Variants in DOCK2 observed in about 807,000 individuals in gnomAD.
DOCK2 encodes dedicator of cytokinesis 2.
A neutral mutation model predicts 248.9 loss-of-function variants in DOCK2; 87 were observed. The observed-to-expected ratio is 0.35, with a 90% CI of 0.29 to 0.42. The LOEUF is 0.42. Among genes scored for constraint, DOCK2 ranks in the 10% least tolerant of loss-of-function variants. The pLI, the probability that DOCK2 is intolerant of heterozygous loss-of-function variation, is 1.00. For missense variants in DOCK2, 1,747 were observed against 2,300.2 expected (o/e 0.76, Z 4.92); for synonymous variants, 805 against 821.6 (o/e 0.98, Z 0.35).
rs540144075 is a variant in DOCK2 at position 169,686,215 on chromosome 5, C to T, written c.761+1865C>T. ...CAGTTTCAGGAGCCTTAGAAGCAAC[C>T]GAGAGGAAACAGTATGGGGCCTATG... On this transcript the variant is annotated intron_variant, in intron 8 of 51. Transcript: ENST00000520908. Among the ~76,000 whole-genome samples the T allele has an allele frequency of 5.8e-4, 88 of 152,230 alleles. 1 individual carries two copies. The highest frequency in any genetic ancestry group is 1.5e-3 in the South Asian group (7 of 4,822).
At position 170,057,486 on chromosome 5, in the gene DOCK2, C is replaced by A. The variant is rs142952656; in HGVS notation, c.4381-94C>A. ...TTCGGGTAGATGGGAGGCCCGGGGA[C>A]CTGGCTGGGTTTCTGCCAAGCTTCT... On this transcript the variant is annotated intron_variant, in intron 43 of 51. Coordinates refer to ENST00000520908, the MANE Select transcript of DOCK2 (RefSeq NM_004946.3). The A allele has an allele frequency of 6.5e-4, 715 of 1,094,606 alleles. No individual in the cohort carries two copies. In the African/African-American group the frequency reaches 6.6e-3, roughly 10 times the overall value. 67.8% of individuals were successfully genotyped at this position (1,094,606 alleles called of 1,614,324 possible).
intron 27 of DOCK2, among the ~76,000 whole-genome samples, chr5:169,974,932 C>A (rs1236111684): frequency 6.6e-6 from 1 of 151,936 alleles, no homozygotes; most frequent in Non-Finnish European, 1.5e-5. Flanking sequence ...GAATGATAAC[C>A]CCTCTCCTGG....
chr5:169,995,673 T>C (rs1205584399), intron 29 of DOCK2, among the ~76,000 whole-genome samples: 1 of 152,244 alleles, frequency 6.6e-6, no homozygotes, highest in Non-Finnish European at 1.5e-5. Flanking sequence ...TGTATATACA[T>C]GTAGGGAGAC....
chr5:170,041,208 G>C (rs1248371424), intron 37 of DOCK2, 63 bp downstream of exon 37: 10 of 1,429,574 alleles, frequency 7.0e-6, no homozygotes, highest in Non-Finnish European at 9.8e-6. Flanking sequence ...ACAGCAAGTT[G>C]AAGAGTGAAA....
At chr5:169,768,495 T>C (rs555396723) in intron 25 of DOCK2, among the ~76,000 whole-genome samples, 46 of 152,328 alleles carry the variant, frequency 3.0e-4, no homozygotes, top group African/African-American at 1.1e-3. Context: ...TTTGTTTATT[T>C]CCATTCCCTG....
intron 22 of DOCK2, among the ~76,000 whole-genome samples, chr5:169,743,441 T>C (rs262834): frequency 0.019 from 2,842 of 152,260 alleles, 97 homozygotes; most frequent in African/African-American, 0.065. Flanking sequence ...GATCAGAGAG[T>C]TTGCCCAAAT....
chr5:169,878,482 G>A (rs1365851498), intron 27 of DOCK2, among the ~76,000 whole-genome samples: 2 of 152,194 alleles, frequency 1.3e-5, no homozygotes, highest in Non-Finnish European at 2.9e-5. Context: ...AAGTAAAAAT[G>A]ATTGTATTCT....
intron 13 of DOCK2, 39 bp downstream of exon 13, chr5:169,700,178 G>A (rs1760881827): frequency 6.2e-7 from 1 of 1,601,418 alleles, no homozygotes; most frequent in Non-Finnish European, 8.5e-7. Flanking sequence ...TGGGGACATA[G>A]GGGCCAATTC....
intron 39 of DOCK2, 42 bp downstream of exon 39, chr5:170,045,947 G>T: frequency 6.3e-7 from 1 of 1,593,448 alleles, no homozygotes; most frequent in Non-Finnish European, 8.6e-7. Flanking sequence ...TGCAGGCTGG[G>T]TGCTCAGGGC....
chr5:169,948,313 A>G (rs959534070), intron 27 of DOCK2, among the ~76,000 whole-genome samples: 14 of 152,200 alleles, frequency 9.2e-5, no homozygotes, highest in Non-Finnish European at 4.4e-5. Context: ...AGGTAAACAA[A>G]TACACATAAG....
At chr5:170,022,262 A>G (rs1196408723) in intron 33 of DOCK2, among the ~76,000 whole-genome samples, 1 of 152,034 alleles carries the variant, frequency 6.6e-6, no homozygotes, top group East Asian at 1.9e-4. Context: ...AGAGACAAAG[A>G]TTTTCTCAAG....
At position 169,945,128 on chromosome 5, in the gene DOCK2, G is replaced by A. The variant is rs376687288; in HGVS notation, c.2800-37940G>A. On this transcript the variant is annotated intron_variant, in intron 27 of 51. Transcript: ENST00000520908. Reference sequence around the variant, plus strand: ...CTGTGGTTTCATTTTCTTTCTCTTGGCCCCAGAAGAATCCTCTGACATGGT... The same window carrying A: ...CTGTGGTTTCATTTTCTTTCTCTTGACCCCAGAAGAATCCTCTGACATGGT... Among the ~76,000 whole-genome samples the A allele has an allele frequency of 1.8e-3, 280 of 152,234 alleles. 6 individuals carry two copies. In the South Asian group the frequency reaches 0.048, roughly 26 times the overall value.
intron 25 of DOCK2, among the ~76,000 whole-genome samples, chr5:169,776,258 G>C (rs1269148052): frequency 1.3e-5 from 2 of 151,220 alleles, no homozygotes; most frequent in African/African-American, 2.4e-5. Flanking sequence ...GACCTCCTGG[G>C]CTCAAGCAAT....
chr5:169,857,733 TAA>T (rs745578660), intron 27 of DOCK2, among the ~76,000 whole-genome samples: 16 of 108,296 alleles, frequency 1.5e-4, no homozygotes, highest in Admixed American at 3.7e-4. Context: ...GGAACAAAAC[TAA>T]AAAAAAAAAA....
intron 2 of DOCK2, among the ~76,000 whole-genome samples, chr5:169,668,032 A>G (rs1307750133): frequency 1.3e-5 from 2 of 152,220 alleles, no homozygotes; most frequent in East Asian, 1.9e-4. Context: ...TAATATAGGA[A>G]GCATAGGTGA....
chr5:170,013,192 A>C (rs1755372392), intron 32 of DOCK2, among the ~76,000 whole-genome samples: 1 of 152,066 alleles, frequency 6.6e-6, no homozygotes, highest in Admixed American at 6.5e-5. Flanking sequence ...CCCAGCAAGC[A>C]TGGCTTCCTA....
intron 25 of DOCK2, among the ~76,000 whole-genome samples, chr5:169,798,483 C>A (rs931900352): frequency 6.6e-6 from 1 of 152,178 alleles, no homozygotes; most frequent in African/African-American, 2.4e-5. Context: ...TGGCTTTTTC[C>A]TTGGATTCAT....
chr5:169,723,974 C>G (rs1751763431), intron 22 of DOCK2, among the ~76,000 whole-genome samples: 1 of 152,186 alleles, frequency 6.6e-6, no homozygotes, highest in South Asian at 2.1e-4. Context: ...TTCTAGCCCC[C>G]TTTCACAAAG....
chr5:169,922,303 T>C (rs1273819459), intron 27 of DOCK2, among the ~76,000 whole-genome samples: 1 of 152,224 alleles, frequency 6.6e-6, no homozygotes, highest in Admixed American at 6.5e-5. Context: ...AGATGAGCCC[T>C]AATTTATGCA....
Sources: allele counts gnomAD v4.1 joint callset (sites outside exome capture counted in the v4.1 genomes callset), GRCh38; gene constraint gnomAD v4.1.1; transcripts MANE v1.5; gene names NCBI Gene and HGNC (gene_info 2026-07-23, HGNC 2026-07-21).